The following NAALADL2 variants were observed in gnomAD, a reference collection of about 807,000 sequenced individuals.
NAALADL2 encodes the protein N-acetylated alpha-linked acidic dipeptidase like 2, also known as inactive N-acetylated-alpha-linked acidic dipeptidase-like protein 2.
In NAALADL2, 76 loss-of-function variants were observed where a neutral mutation model predicts 87.2. That is an observed-to-expected ratio of 0.87 (90% CI 0.72 to 1.05). The LOEUF is 1.05. Among genes scored for constraint, NAALADL2 ranks in the 50% least tolerant of loss-of-function variants. The pLI is 0.00. For missense variants in NAALADL2, 1,089 were observed against 945.8 expected, an observed-to-expected ratio of 1.15 and a Z score of -1.99; for synonymous variants, 354 against 331.0, an observed-to-expected ratio of 1.07 and a Z score of -0.75.
chr3:174,740,125 C>T (rs1391681243), intron 3 of NAALADL2, among the ~76,000 whole-genome samples: 1 of 151,900 alleles, frequency 6.6e-6, no homozygotes, highest in African/African-American at 2.4e-5. Flanking sequence ...TTTGTTAAAA[C>T]ATAATGCATG....
Position 175,068,405 on chromosome 3 carries a change from CTAAAG to C in NAALADL2, c.44-28382_44-28378del, listed in dbSNP as rs1442021757. ...ATGAGAGAAGAAATTTCAGAACTTT[CTAAAG>C]TATATGCATAATATTCAAAGACTCA... On this transcript the variant is annotated intron_variant, in intron 1 of 13. Coordinates refer to ENST00000454872, the MANE Select transcript of NAALADL2 (RefSeq NM_207015.3). 4.6e-5 allele frequency among the ~76,000 whole-genome samples: 7 copies of C among 152,110 alleles called. No individual in the cohort carries two copies. In the Middle Eastern group the frequency reaches 0.01, roughly 222 times the overall value.
chr3:175,712,231 T>C (rs1465154596), intron 11 of NAALADL2, among the ~76,000 whole-genome samples: 1 of 152,064 alleles, frequency 6.6e-6, no homozygotes, highest in Admixed American at 6.6e-5. Context: ...TGATTTAAAT[T>C]ATGTCCTTTC....
At chr3:175,093,487 C>T (rs918124068) in intron 1 of NAALADL2, among the ~76,000 whole-genome samples, 2 of 144,566 alleles carry the variant, frequency 1.4e-5, no homozygotes, top group Non-Finnish European at 3.0e-5. Flanking sequence ...TTTATTTTTG[C>T]AAAATGTCTA....
intron 11 of NAALADL2, among the ~76,000 whole-genome samples, chr3:175,639,475 C>G (rs938294571): frequency 1.4e-4 from 22 of 151,960 alleles, no homozygotes; most frequent in African/African-American, 5.3e-4. Context: ...TGCCTGCCAC[C>G]AAGCCCGGCT....
At chr3:174,467,902 A>C (rs1716637026) in intron 1 of NAALADL2, among the ~76,000 whole-genome samples, 1 of 152,060 alleles carries the variant, frequency 6.6e-6, no homozygotes, top group Admixed American at 6.6e-5. Flanking sequence ...TTTTAGGAAT[A>C]ATGCTCTAAA....
At chr3:175,271,743 C>T (rs894886258) in intron 4 of NAALADL2, among the ~76,000 whole-genome samples, 6 of 152,120 alleles carry the variant, frequency 3.9e-5, no homozygotes, top group African/African-American at 1.4e-4. Context: ...TGCAGTGAGC[C>T]GAGGTCGTGC....
At chr3:174,536,312 A>C (rs1452410186) in intron 1 of NAALADL2, among the ~76,000 whole-genome samples, 10 of 152,260 alleles carry the variant, frequency 6.6e-5, no homozygotes, top group African/African-American at 1.9e-4. Flanking sequence ...AGGACTGGCT[A>C]GTTTAGTTTT....
At chr3:175,261,342 C>T (rs2109897425) in intron 4 of NAALADL2, among the ~76,000 whole-genome samples, 1 of 152,018 alleles carries the variant, frequency 6.6e-6, no homozygotes, top group East Asian at 1.9e-4. Context: ...GTCATTTCTA[C>T]CAGAAGCAAT....
At chr3:174,619,252 CA>C (rs1389272462) in intron 2 of NAALADL2, among the ~76,000 whole-genome samples, 1 of 151,922 alleles carries the variant, frequency 6.6e-6, no homozygotes, top group Non-Finnish European at 1.5e-5. Context: ...GCAGGGTTTT[CA>C]TTTATACATT....
At chr3:174,690,913 T>G (rs1017123233) in intron 2 of NAALADL2, among the ~76,000 whole-genome samples, 1 of 152,158 alleles carries the variant, frequency 6.6e-6, no homozygotes, top group African/African-American at 2.4e-5. Context: ...GTAAAAGAGC[T>G]TTGGAAATTA....
chr3:175,026,052 A>G (rs1214450673), intron 1 of NAALADL2, among the ~76,000 whole-genome samples: 1 of 151,992 alleles, frequency 6.6e-6, no homozygotes, highest in African/African-American at 2.4e-5. Flanking sequence ...CTCAAACCAT[A>G]CACTTGCCTT....
At chr3:175,325,223 G>A (rs2110446677) in intron 5 of NAALADL2, among the ~76,000 whole-genome samples, 1 of 152,168 alleles carries the variant, frequency 6.6e-6, no homozygotes, top group South Asian at 2.1e-4. Context: ...CCTATTCTAT[G>A]TTAACTTTAC....
chr3:175,505,840 T>A (rs1418459464), intron 9 of NAALADL2, among the ~76,000 whole-genome samples: 1 of 152,190 alleles, frequency 6.6e-6, no homozygotes, highest in Non-Finnish European at 1.5e-5. Flanking sequence ...ACAAATTTTC[T>A]CCATTCACTT....
At position 174,575,401 on chromosome 3, in the gene NAALADL2, C is replaced by A. The variant is rs557984425; in HGVS notation, c.-115+24764C>A. ...TTGGTACTTTGTGAGCAATTCTTTA[C>A]CATTTGACTATGTGACTACTCAGTT... On this transcript the variant is annotated intron_variant, in intron 2 of 3. Transcript: ENST00000434257. Among the ~76,000 whole-genome samples the A allele has an allele frequency of 3.3e-5, 5 of 152,264 alleles. No homozygotes were observed. In the South Asian group the frequency reaches 1.0e-3, roughly 32 times the overall value.
rs1423457785 is a variant in NAALADL2 at position 174,561,556 on chromosome 3, A to G, written c.-115+10919A>G. Among the ~76,000 whole-genome samples the G allele has an allele frequency of 2.0e-5, 3 of 152,042 alleles. No homozygotes were observed. The East Asian group carries it at 5.8e-4, about 30-fold the overall frequency. ...GTCACACATCACCTAAGGAGTGATG[A>G]AGGATGAGGAACCTGATCAAGTAGA... On this transcript the variant is annotated intron_variant, in intron 2 of 3. Coordinates refer to the NAALADL2 transcript ENST00000434257.
chr3:175,776,875 G>A (rs1348001572), intron 13 of NAALADL2, among the ~76,000 whole-genome samples: 1 of 152,020 alleles, frequency 6.6e-6, no homozygotes, highest in African/African-American at 2.4e-5. Context: ...ATTATGCTCA[G>A]AAAATACCTG....
chr3:174,664,084 T>C (rs1368622486), intron 2 of NAALADL2, among the ~76,000 whole-genome samples: 4 of 152,150 alleles, frequency 2.6e-5, no homozygotes, highest in Admixed American at 1.3e-4. Flanking sequence ...CCACCACGCC[T>C]GGCTATTCAA....
At chr3:175,400,623 C>G (rs142577931) in intron 5 of NAALADL2, among the ~76,000 whole-genome samples, 156 of 152,048 alleles carry the variant, frequency 1.0e-3, no homozygotes, top group African/African-American at 3.5e-3. Flanking sequence ...TATTTATAAC[C>G]CAAAACAATA....
intron 2 of NAALADL2, among the ~76,000 whole-genome samples, chr3:174,585,057 A>G (rs968529785): frequency 6.6e-6 from 1 of 152,158 alleles, no homozygotes; most frequent in African/African-American, 2.4e-5. Context: ...TTTTATCTGT[A>G]TATATAAGAA....
Sources: allele counts gnomAD v4.1 joint callset (sites outside exome capture counted in the v4.1 genomes callset), GRCh38; gene constraint gnomAD v4.1.1; transcripts MANE v1.5; gene names NCBI Gene and HGNC (gene_info 2026-07-23, HGNC 2026-07-21).